STARD13: variants seen among roughly 807,000 people sequenced by gnomAD.
STARD13 encodes stAR-related lipid transfer protein 13.
In STARD13, 62 loss-of-function variants were observed where a neutral mutation model predicts 106.4. The observed-to-expected ratio is 0.58, with a 90% CI of 0.48 to 0.72. STARD13 has a LOEUF of 0.72. Ranked by LOEUF, STARD13 falls within the 30% of genes least tolerant of loss-of-function variation. STARD13 has a pLI of 0.00. For missense variants in STARD13, 1,387 were observed against 1,424.0 expected (o/e 0.97, Z 0.42); for synonymous variants, 565 against 553.0 (o/e 1.02, Z -0.31).
At chr13:33,486,811 A>G in the STARD13 span, among the ~76,000 whole-genome samples, 1 of 152,124 alleles carries the variant, frequency 6.6e-6, no homozygotes, top group African/African-American at 2.4e-5. Context: ...TCAAAAGAGT[A>G]CCTCCACAGT....
chr13:33,548,032 C>G, the STARD13 span, among the ~76,000 whole-genome samples: 1 of 152,136 alleles, frequency 6.6e-6, no homozygotes, highest in Non-Finnish European at 1.5e-5. Context: ...TTCACTATAA[C>G]TCTGATCTCC....
chr13:33,564,246 A>G, the STARD13 span, among the ~76,000 whole-genome samples: 2 of 145,410 alleles, frequency 1.4e-5, no homozygotes, highest in South Asian at 2.2e-4. Context: ...CTGAACAGAC[A>G]TGTATCAAAA....
chr13:33,455,024 A>T, the STARD13 span, among the ~76,000 whole-genome samples: 1 of 152,242 alleles, frequency 6.6e-6, no homozygotes, highest in South Asian at 2.1e-4. Context: ...GCTTTTGTTC[A>T]AAGATATGTA....
At chr13:33,295,510 T>C (rs1207837030) in intron 1 of STARD13, among the ~76,000 whole-genome samples, 1 of 152,222 alleles carries the variant, frequency 6.6e-6, no homozygotes, top group Non-Finnish European at 1.5e-5. Context: ...ACCTTACCAT[T>C]TCCTTTACCC....
the STARD13 span, among the ~76,000 whole-genome samples, chr13:33,520,351 G>A: frequency 6.6e-6 from 1 of 152,076 alleles, no homozygotes; most frequent in Admixed American, 6.6e-5. Context: ...ACTGGGCTGT[G>A]TTCCTGAGAC....
the STARD13 span, among the ~76,000 whole-genome samples, chr13:33,584,101 A>G: frequency 1.3e-5 from 2 of 152,184 alleles, no homozygotes; most frequent in African/African-American, 2.4e-5. Flanking sequence ...CAAGGGTTCA[A>G]TTTCTCCATA....
the STARD13 span, among the ~76,000 whole-genome samples, chr13:33,618,632 C>T: frequency 1.3e-5 from 2 of 151,956 alleles, no homozygotes; most frequent in Non-Finnish European, 2.9e-5. Context: ...GTTACTGCTG[C>T]CAGATTTGCT....
chr13:33,638,822 G>T, the STARD13 span, among the ~76,000 whole-genome samples: 2 of 152,126 alleles, frequency 1.3e-5, no homozygotes, highest in African/African-American at 2.4e-5. Flanking sequence ...TCACTTGGGG[G>T]TCTTAGAATT....
the STARD13 span, among the ~76,000 whole-genome samples, chr13:33,624,081 C>T: frequency 1.3e-5 from 2 of 152,200 alleles, no homozygotes; most frequent in African/African-American, 4.8e-5. Context: ...AACATACATA[C>T]TACACCTTCC....
At chr13:33,582,758 A>G in the STARD13 span, among the ~76,000 whole-genome samples, 1 of 152,232 alleles carries the variant, frequency 6.6e-6, no homozygotes, top group African/African-American at 2.4e-5. Context: ...GGACCCCAAG[A>G]TGGGTCATCA....
At chr13:33,280,151 T>A (rs1891697447) in intron 1 of STARD13, 1 of 152,200 alleles carries the variant, frequency 6.6e-6, no homozygotes, top group Non-Finnish European at 1.5e-5. Context: ...GATTGCTTAA[T>A]TTAGGCTGAC....
chr13:33,366,806 A>G, the STARD13 span, among the ~76,000 whole-genome samples: 1 of 152,262 alleles, frequency 6.6e-6, no homozygotes, highest in African/African-American at 2.4e-5. The surrounding 1 kb of genome is among the most constrained non-coding windows in gnomAD (Gnocchi z 4.2). Flanking sequence ...GCACGTTTGT[A>G]CAGTCCTACG....
intron 3 of STARD13, among the ~76,000 whole-genome samples, chr13:33,145,040 C>T (rs1206696381): frequency 2.6e-4 from 40 of 152,198 alleles, no homozygotes; most frequent in Admixed American, 2.4e-3. Flanking sequence ...CTTTATAGCT[C>T]TGGGTCCTTT....
At chr13:33,664,698 C>T in the STARD13 span, among the ~76,000 whole-genome samples, 9 of 152,340 alleles carry the variant, frequency 5.9e-5, no homozygotes, top group East Asian at 1.5e-3. Flanking sequence ...CCAATTTCAG[C>T]TCACTGCAAC....
At chr13:33,557,724 A>G in the STARD13 span, among the ~76,000 whole-genome samples, 1 of 152,168 alleles carries the variant, frequency 6.6e-6, no homozygotes, top group African/African-American at 2.4e-5. Flanking sequence ...GAAATGATTT[A>G]ATCCTTTCTC....
chr13:33,478,785 A>C, the STARD13 span, among the ~76,000 whole-genome samples: 1 of 152,076 alleles, frequency 6.6e-6, no homozygotes, highest in South Asian at 2.1e-4. Flanking sequence ...GTATGGTGGC[A>C]TGCACCTGTA....
chr13:33,154,616 A>G (rs1489210245), intron 3 of STARD13, among the ~76,000 whole-genome samples: 2 of 150,056 alleles, frequency 1.3e-5, no homozygotes, highest in Non-Finnish European at 2.9e-5. Flanking sequence ...CGGGGGAAAG[A>G]ACTTAAAACA....
the STARD13 span, among the ~76,000 whole-genome samples, chr13:33,485,971 G>T: frequency 1.3e-5 from 2 of 152,322 alleles, no homozygotes; most frequent in African/African-American, 4.8e-5. Flanking sequence ...AATGCAGAAA[G>T]TGTGCAATTC....
At chr13:33,430,057 A>G in the STARD13 span, among the ~76,000 whole-genome samples, 1 of 151,864 alleles carries the variant, frequency 6.6e-6, no homozygotes, top group Non-Finnish European at 1.5e-5. Context: ...AGCTGGGACT[A>G]CAGGCGCCCG....
Sources: allele counts gnomAD v4.1 joint callset (sites outside exome capture counted in the v4.1 genomes callset), GRCh38; gene constraint gnomAD v4.1.1; non-coding constraint Gnocchi (gnomAD v3.1); transcripts MANE v1.5; gene names NCBI Gene and HGNC (gene_info 2026-07-23, HGNC 2026-07-21).